Variants in SEL1L2 observed in about 807,000 individuals in gnomAD.
SEL1L2 encodes SEL1L2 adaptor subunit of SYVN1 ubiquitin ligase.
A neutral mutation model predicts 98.8 loss-of-function variants in SEL1L2; 89 were observed. The ratio of observed to expected loss-of-function variants is 0.90; its 90% CI spans 0.76 to 1.07. The LOEUF is 1.07. Ranked by LOEUF, SEL1L2 falls within the 50% of genes least tolerant of loss-of-function variation. The pLI is 0.00. For missense variants in SEL1L2, 788 were observed against 812.0 expected, an observed-to-expected ratio of 0.97 and a Z score of 0.36; for synonymous variants, 262 against 278.5, an observed-to-expected ratio of 0.94 and a Z score of 0.59.
At chr20:13,882,589 G>A (rs879642802) in intron 10 of SEL1L2, among the ~76,000 whole-genome samples, 3 of 152,118 alleles carry the variant, frequency 2.0e-5, no homozygotes, top group Admixed American at 2.0e-4. Context: ...TCATAAACCA[G>A]CCAGCTCTAG....
chr20:13,918,069 G>A (rs993173298), intron 4 of SEL1L2, among the ~76,000 whole-genome samples: 1 of 152,044 alleles, frequency 6.6e-6, no homozygotes, highest in Non-Finnish European at 1.5e-5. Flanking sequence ...GGGATTACAG[G>A]TATGAGCCAC....
rs998451990 is a variant in SEL1L2, at chr20:13,904,582, T to C, written c.549+9200A>G. Among the ~76,000 whole-genome samples the C allele has an allele frequency of 7.9e-5, 12 of 152,226 alleles. No homozygotes were observed. The East Asian group carries it at 2.3e-3, about 29-fold the overall frequency. ...ATAAATAAATACTCTCTGATTCTGC[T>C]AATTCCTCTAATCTTAAACATTCCT... On this transcript the variant is annotated intron_variant, in intron 5 of 19. Transcript: ENST00000284951.
intron 12 of SEL1L2, among the ~76,000 whole-genome samples, chr20:13,872,452 G>A (rs756273630): frequency 6.6e-6 from 1 of 152,174 alleles, no homozygotes; most frequent in Non-Finnish European, 1.5e-5. Flanking sequence ...GCCATGTGAA[G>A]AAGGACGTGG....
intron 19 of SEL1L2, 140 bp from the exon 20 acceptor site, chr20:13,849,744 C>T: frequency 1.1e-6 from 1 of 923,294 alleles, no homozygotes; most frequent in Non-Finnish European, 1.6e-6. Flanking sequence ...AAGACACAAT[C>T]TTCGCTTGCT....
chr20:13,940,334 C>A (rs1034606397), intron 2 of SEL1L2, among the ~76,000 whole-genome samples: 1 of 152,126 alleles, frequency 6.6e-6, no homozygotes, highest in Non-Finnish European at 1.5e-5. Flanking sequence ...GTTATGAAGG[C>A]AGAGCATTCC....
intron 1 of SEL1L2, among the ~76,000 whole-genome samples, chr20:13,988,773 C>G (rs1261597609): frequency 6.6e-6 from 1 of 152,042 alleles, no homozygotes; most frequent in African/African-American, 2.4e-5. Flanking sequence ...AGCACTTTGG[C>G]AGGCTTAGGC....
chr20:13,983,504 GT>G (rs992226635), intron 1 of SEL1L2, among the ~76,000 whole-genome samples: 2 of 151,758 alleles, frequency 1.3e-5, no homozygotes, highest in East Asian at 1.9e-4. Context: ...ACTAGCTTTT[GT>G]TTTTTGTTTT....
At chr20:13,964,456 T>TA (rs1447048972) in intron 1 of SEL1L2, among the ~76,000 whole-genome samples, 2 of 147,094 alleles carry the variant, frequency 1.4e-5, no homozygotes, top group Admixed American at 6.8e-5. Flanking sequence ...CATTTTTTTT[T>TA]TTTTTTTTTT....
At chr20:13,924,571 A>T (rs1223240554) in intron 3 of SEL1L2, among the ~76,000 whole-genome samples, 15 of 151,796 alleles carry the variant, frequency 9.9e-5, no homozygotes, top group Admixed American at 9.9e-4. Context: ...GACTACTGGT[A>T]TGTGCCACCA....
chr20:13,955,858 C>T (rs1234353793), intron 2 of SEL1L2, among the ~76,000 whole-genome samples: 1 of 151,950 alleles, frequency 6.6e-6, no homozygotes, highest in African/African-American at 2.4e-5. Flanking sequence ...TATTTAGGAC[C>T]TCAGACAGTC....
At chr20:13,957,802 G>A (rs189387217) in intron 1 of SEL1L2, among the ~76,000 whole-genome samples, 31 of 152,146 alleles carry the variant, frequency 2.0e-4, no homozygotes, top group African/African-American at 6.5e-4. Flanking sequence ...CATTGAGCCC[G>A]GGAAATCAAG....
chr20:13,869,891 A>G (rs1187434785), intron 13 of SEL1L2, among the ~76,000 whole-genome samples: 4 of 152,204 alleles, frequency 2.6e-5, no homozygotes, highest in African/African-American at 9.6e-5. Flanking sequence ...TCCTCAGAGG[A>G]TAGATGATTT....
chr20:13,906,184 A>G (rs1032667750), intron 5 of SEL1L2, among the ~76,000 whole-genome samples: 6 of 152,188 alleles, frequency 3.9e-5, no homozygotes, highest in Non-Finnish European at 8.8e-5. Flanking sequence ...CCCCTGTAAG[A>G]CATATTTCTG....
intron 3 of SEL1L2, among the ~76,000 whole-genome samples, chr20:13,929,682 A>G (rs767708729): frequency 6.0e-5 from 9 of 151,078 alleles, no homozygotes; most frequent in Non-Finnish European, 1.3e-4. Flanking sequence ...TTGTATTTTT[A>G]GCAGAGACGG....
rs560888474 is a variant in SEL1L2, at chr20:13,985,973, G to A, written c.58+4504C>T. Reference sequence around the variant, plus strand: ...TTCAAGGTTATCCATATCATACTTCGTTTGTTGTTTTTGCTGAGTATTCCA... The same window carrying A: ...TTCAAGGTTATCCATATCATACTTCATTTGTTGTTTTTGCTGAGTATTCCA... On this transcript the variant is annotated intron_variant, in intron 1 of 19. Transcript: ENST00000284951. Among the ~76,000 whole-genome samples, 26 of 152,224 alleles carry A rather than the reference G, an allele frequency of 1.7e-4. No individual in the cohort carries two copies. The South Asian group carries it at 1.9e-3, about 11-fold the overall frequency.
chr20:13,981,553 G>A (rs897752882), intron 1 of SEL1L2, among the ~76,000 whole-genome samples: 5 of 152,056 alleles, frequency 3.3e-5, no homozygotes. Flanking sequence ...ATCACATTGT[G>A]CCCCATAACT....
At chr20:13,866,043 A>G (rs1990980268) in intron 15 of SEL1L2, among the ~76,000 whole-genome samples, 1 of 152,216 alleles carries the variant, frequency 6.6e-6, no homozygotes, top group Admixed American at 6.5e-5. Context: ...TATGTAACCA[A>G]AAGAGGTTAG....
chr20:13,909,579 T>C (rs1240507440), intron 5 of SEL1L2, among the ~76,000 whole-genome samples: 1 of 152,132 alleles, frequency 6.6e-6, no homozygotes, highest in Non-Finnish European at 1.5e-5. Context: ...TGTGAAGTTT[T>C]GGGGCAGGGG....
intron 3 of SEL1L2, among the ~76,000 whole-genome samples, chr20:13,922,656 T>C (rs527639653): frequency 1.3e-5 from 2 of 152,348 alleles, no homozygotes; most frequent in Admixed American, 1.3e-4. Context: ...ATTTTAATGA[T>C]GAAAGCACCT....
Sources: allele counts gnomAD v4.1 joint callset (sites outside exome capture counted in the v4.1 genomes callset), GRCh38; gene constraint gnomAD v4.1.1; transcripts MANE v1.5; gene names NCBI Gene and HGNC (gene_info 2026-07-23, HGNC 2026-07-21).